Variants in ENOSF1 observed in about 807,000 individuals in gnomAD.
ENOSF1 encodes enolase superfamily member 1.
Under a neutral mutation model 68.2 loss-of-function variants are expected in ENOSF1, and 73 were observed. That is an observed-to-expected ratio of 1.07 (90% CI 0.89 to 1.30). The LOEUF (loss-of-function observed/expected upper bound fraction) is 1.30, where lower values mean the gene tolerates loss of function less well. Ranked by LOEUF, ENOSF1 falls within the 50% of genes most tolerant of loss-of-function variation. The pLI is 0.00. For missense variants in ENOSF1, 589 were observed against 554.5 expected (o/e 1.06, Z -0.62); for synonymous variants, 223 against 210.4 (o/e 1.06, Z -0.52).
chr18:690,509 C>A, intron 8 of ENOSF1, 40 bp downstream of exon 8: 2 of 1,611,958 alleles, frequency 1.2e-6, no homozygotes, highest in South Asian at 2.2e-5. Context: ...GTTGGTTTCT[C>A]CCCATTCAGC....
intron 1 of ENOSF1, among the ~76,000 whole-genome samples, chr18:711,501 C>T (rs983089078): frequency 6.6e-6 from 1 of 152,178 alleles, no homozygotes; most frequent in African/African-American, 2.4e-5. Flanking sequence ...CACACATTCA[C>T]TACATACCCA....
chr18:667,005 TGATGGTGATGGA>T (rs2074845098), downstream of ENOSF1, among the ~76,000 whole-genome samples: 3 of 5,000 alleles, frequency 6.0e-4, no homozygotes, highest in South Asian at 0.013. Flanking sequence ...ATGGAGATGG[TGATGGTGATGGA>T]GATGGAGATG....
At chr18:688,052 A>T (rs1303362997) in intron 9 of ENOSF1, 1 of 153,836 alleles carries the variant, frequency 6.5e-6, no homozygotes, top group African/African-American at 2.4e-5. Flanking sequence ...CTGTAATCCC[A>T]GCTGCTAGGG....
intron 7 of ENOSF1, 165 bp downstream of exon 7, chr18:690,903 G>A (rs1490098730): frequency 4.2e-6 from 5 of 1,193,208 alleles, no homozygotes; most frequent in African/African-American, 3.1e-5. Flanking sequence ...TGCAGTCAGA[G>A]GTCATACCCA....
Position 672,990 on chromosome 18 carries a change from C to CTGTT in ENOSF1, c.*1311_*1314dup. On this transcript the variant is annotated 3_prime_UTR_variant, in exon 16 of 16. Transcript: ENST00000647584. ...CATCCAACTATTAAAATGGAAATGG[C>CTGTT]TGTTTAGGGTGCTTTCAAAGGAGCT... is the stretch of plus-strand genomic sequence containing the variant. 6.4e-7 allele frequency: 1 copy of CTGTT among 1,563,532 alleles called. No homozygotes were observed. The highest frequency in any genetic ancestry group is 8.8e-7 in the Non-Finnish European group (1 of 1,141,728).
At chr18:683,573 G>T (rs564735878) in intron 10 of ENOSF1, among the ~76,000 whole-genome samples, 193 bp from the exon 11 acceptor site, 1 of 152,116 alleles carries the variant, frequency 6.6e-6, no homozygotes, top group Non-Finnish European at 1.5e-5. Context: ...GGGGACTCTG[G>T]CTCCAGGTAC....
In ENOSF1 at chr18:697,273, A is replaced by G; in HGVS notation, c.276T>C (p.Tyr92=). Residue 92 remains tyrosine (Y), a synonymous_variant, in exon 3 of 16, where the codon TAT becomes TAC. Transcript: ENST00000647584. ...GCTGCCCATCACTTGTGAGCTGCCT[A>G]TAGAAGCCTCTGAAGTCACCAACAA... ...KDIVGDFRGF[Y]RQLTSDGQLR... is the part of the protein sequence containing the mutation. The G allele has an allele frequency of 6.2e-7, 1 of 1,614,040 alleles. No individual in the cohort carries two copies. Among genetic ancestry groups the G allele is most frequent in the Non-Finnish European group, 8.5e-7 (1 of 1,179,920 alleles).
intron 3 of ENOSF1, among the ~76,000 whole-genome samples, chr18:696,298 G>C (rs952904949): frequency 7.1e-6 from 1 of 140,618 alleles, no homozygotes; most frequent in Non-Finnish European, 1.5e-5. Flanking sequence ...TGCAAGCTCC[G>C]CCTCCCAGGT....
chr18:695,334 T>G (rs2077605826), intron 3 of ENOSF1, among the ~76,000 whole-genome samples: 1 of 152,210 alleles, frequency 6.6e-6, no homozygotes, highest in South Asian at 2.1e-4. Flanking sequence ...TCATTTTGTT[T>G]TATTATTAGG....
chr18:693,951 G>A lies in ENOSF1; in HGVS notation c.397-43C>T, dbSNP rs763336174. 38 of 1,606,818 alleles carry A rather than the reference G, an allele frequency of 2.4e-5. No individual in the cohort carries two copies. In the South Asian group the frequency reaches 3.8e-4, roughly 16 times the overall value. Reference sequence around the variant, plus strand: ...AGGATTTGTAAGACATATGTGTAAAGTCCCCATTTTTTCCTGACAGTAAAC... The same window carrying A: ...AGGATTTGTAAGACATATGTGTAAAATCCCCATTTTTTCCTGACAGTAAAC... On this transcript the variant is annotated intron_variant, in intron 4 of 15. Transcript: ENST00000647584.
chr18:690,697 TAGCTA>T, intron 7 of ENOSF1, 66 bp from the exon 8 acceptor site: 1 of 1,138,394 alleles, frequency 8.8e-7, no homozygotes, highest in Non-Finnish European at 1.2e-6. Flanking sequence ...GAAGTGCCTG[TAGCTA>T]AGCTGTTTCC....
intron 2 of ENOSF1, among the ~76,000 whole-genome samples, chr18:699,319 G>A (rs899334145): frequency 5.9e-5 from 9 of 152,152 alleles, no homozygotes; most frequent in Non-Finnish European, 8.8e-5. Context: ...AAAATTAGCC[G>A]GTTGCGGTGG....
At chr18:707,113 C>A (rs1246316024) in intron 1 of ENOSF1, among the ~76,000 whole-genome samples, 1 of 152,138 alleles carries the variant, frequency 6.6e-6, no homozygotes, top group Non-Finnish European at 1.5e-5. Flanking sequence ...GCCACCGCAC[C>A]TGGTCGCAAT....
At chr18:688,343 A>C (rs2076825910) in intron 9 of ENOSF1, 1 of 525,128 alleles carries the variant, frequency 1.9e-6, no homozygotes, top group South Asian at 2.4e-5. Flanking sequence ...GAAATAAACA[A>C]TCTCCCAAGC....
At chr18:711,803 T>A (rs2079581640) in intron 1 of ENOSF1, among the ~76,000 whole-genome samples, 1 of 152,188 alleles carries the variant, frequency 6.6e-6, no homozygotes, top group South Asian at 2.1e-4. Flanking sequence ...GCGGGTAATT[T>A]CACGAGAGCG....
downstream of ENOSF1, among the ~76,000 whole-genome samples, chr18:665,472 GATTC>G (rs2074801724): frequency 6.7e-6 from 1 of 148,232 alleles, no homozygotes; most frequent in Non-Finnish European, 1.5e-5. Flanking sequence ...CCAGCTCCTG[GATTC>G]ATTAATTTTT....
At chr18:669,366 A>ATTTTTTTT (rs68090938), downstream of ENOSF1, 18 of 192,258 alleles carry the variant, frequency 9.4e-5, no homozygotes, top group South Asian at 2.7e-4. Flanking sequence ...GGCCCAGAGG[A>ATTTTTTTT]TTTTTTTTTT....
At chr18:687,589 C>T (rs1179884304) in intron 9 of ENOSF1, 1 of 152,160 alleles carries the variant, frequency 6.6e-6, no homozygotes, top group African/African-American at 2.4e-5. Flanking sequence ...TGCTGAGGGA[C>T]ACACAGTGAC....
At chr18:680,913 T>C (rs544997854) in intron 11 of ENOSF1, among the ~76,000 whole-genome samples, 101 of 151,872 alleles carry the variant, frequency 6.7e-4, no homozygotes, top group Non-Finnish European at 1.1e-3. Context: ...TGGTGCGATT[T>C]TGGCTCACTG....
Sources: allele counts gnomAD v4.1 joint callset (sites outside exome capture counted in the v4.1 genomes callset), GRCh38; gene constraint gnomAD v4.1.1; transcripts MANE v1.5; gene names NCBI Gene and HGNC (gene_info 2026-07-23, HGNC 2026-07-21).